GAD2: variants seen among roughly 807,000 people sequenced by gnomAD.
GAD2 encodes the protein glutamate decarboxylase 2, also known as 65 kDa glutamic acid decarboxylase.
GAD2 carries 22 observed loss-of-function variants against 80.1 expected under a neutral mutation model. The ratio of observed to expected loss-of-function variants is 0.27; its 90% CI spans 0.20 to 0.39. The LOEUF is 0.39. GAD2 is among the 10% of genes least tolerant of loss of function. GAD2 has a pLI of 1.00. For missense variants in GAD2, 624 were observed against 738.4 expected (o/e 0.85, Z 1.80); for synonymous variants, 274 against 256.9 (o/e 1.07, Z -0.64).
At chr10:26,259,197 A>T (rs1844979627) in intron 8 of GAD2, among the ~76,000 whole-genome samples, 1 of 152,160 alleles carries the variant, frequency 6.6e-6, no homozygotes, top group Non-Finnish European at 1.5e-5. Flanking sequence ...CTCTGCTTTC[A>T]ATTATTTTGG....
rs150392847 is a variant in GAD2 at position 26,229,751 on chromosome 10, A to G, written c.814A>G (p.Arg272Gly). 1 of 1,613,748 alleles carries G rather than the reference A, an allele frequency of 6.2e-7. No homozygotes were observed. Among genetic ancestry groups the G allele is most frequent in the Non-Finnish European group, 8.5e-7 (1 of 1,179,642 alleles). ...VKEKGMAALP[R>G]LIAFTSEHSH... is the part of the protein sequence containing the mutation. Reference sequence around the variant, plus strand: ...GGAGAAAGGAATGGCTGCTCTTCCCAGGCTCATTGCCTTCACGTCTGAACA... The same window carrying G: ...GGAGAAAGGAATGGCTGCTCTTCCCGGGCTCATTGCCTTCACGTCTGAACA... Residue 272 changes from arginine to glycine, a missense_variant, in exon 7 of 16, where the codon AGG becomes GGG. Physicochemically the swap from Arg to Gly is moderately radical, Grantham distance 125. Coordinates refer to ENST00000376261, the MANE Select transcript of GAD2 (RefSeq NM_001134366.2).
In GAD2 at chr10:26,302,248, A is replaced by C. The variant is rs962645617; in HGVS notation, c.*1287A>C. On this transcript the variant is annotated 3_prime_UTR_variant, in exon 16 of 16. Transcript: ENST00000376261. Reference sequence around the variant, plus strand: ...CTGGGACCCAAAATAGTTACTTTATATTCCATGGGTGGTTGTTTTTCTTCC... The same window carrying C: ...CTGGGACCCAAAATAGTTACTTTATCTTCCATGGGTGGTTGTTTTTCTTCC... 2.6e-5 allele frequency: 4 copies of C among 152,138 alleles called. No homozygotes were observed. The highest frequency in any genetic ancestry group is 9.7e-5 in the African/African-American group (4 of 41,440). 9.4% of individuals were successfully genotyped at this position (152,138 alleles called of 1,614,324 possible).
At chr10:26,244,268 C>T (rs1006872630) in intron 7 of GAD2, among the ~76,000 whole-genome samples, 2 of 152,084 alleles carry the variant, frequency 1.3e-5, no homozygotes, top group African/African-American at 4.8e-5. Flanking sequence ...TTGGAAACCT[C>T]GTCCACTGAG....
In GAD2 at chr10:26,267,270, C is replaced by A. The variant is rs16926747; in HGVS notation, c.921-1849C>A. Reference sequence around the variant, plus strand: ...TTGTTTACCTGCAAAAATACTATGGCAATTTTAATGTGCTTTAAACTTTAT... The same window carrying A: ...TTGTTTACCTGCAAAAATACTATGGAAATTTTAATGTGCTTTAAACTTTAT... On this transcript the variant is annotated intron_variant, in intron 8 of 15. Coordinates refer to ENST00000376261, the MANE Select transcript of GAD2 (RefSeq NM_001134366.2). Among the ~76,000 whole-genome samples, 648 of 152,296 alleles carry A rather than the reference C, an allele frequency of 4.3e-3. 4 individuals are homozygous for A. Among genetic ancestry groups the A allele is most frequent in the African/African-American group, 0.015 (621 of 41,554 alleles).
intron 4 of GAD2, 50 bp downstream of exon 4, chr10:26,219,326 AT>A: frequency 8.2e-7 from 1 of 1,222,480 alleles, no homozygotes; most frequent in Non-Finnish European, 1.1e-6. Context: ...TACAATTTTT[AT>A]TTTATTTTTT....
At position 26,236,258 on chromosome 10, in the gene GAD2, T is replaced by C. The variant is rs915770531; in HGVS notation, c.840+6481T>C. ...CTCCTAAGTAGCTGGGCCTACAGGC[T>C]TGAGCCACCACATCTTCAGAAAGAT... On this transcript the variant is annotated intron_variant, in intron 7 of 15. Transcript: ENST00000376261. Among the ~76,000 whole-genome samples the C allele has an allele frequency of 3.3e-5, 5 of 152,142 alleles. No individual in the cohort carries two copies. The East Asian group carries it at 5.8e-4, about 18-fold the overall frequency.
chr10:26,276,953 A>G (rs926759072), intron 11 of GAD2, among the ~76,000 whole-genome samples: 2 of 152,246 alleles, frequency 1.3e-5, no homozygotes, highest in African/African-American at 4.8e-5. Flanking sequence ...TATAAAGCCT[A>G]TCTTCAAGGA....
intron 6 of GAD2, 47 bp downstream of exon 6, chr10:26,224,698 A>T: frequency 7.4e-7 from 1 of 1,350,230 alleles, no homozygotes; most frequent in Non-Finnish European, 1.1e-6. Flanking sequence ...CTAATATGCA[A>T]TGCCTTGTTG....
intron 7 of GAD2, among the ~76,000 whole-genome samples, chr10:26,234,152 C>T (rs1261503044): frequency 1.3e-5 from 2 of 151,808 alleles, no homozygotes; most frequent in African/African-American, 4.8e-5. Context: ...GGTGAAACCC[C>T]GTCTCTACTG....
intron 8 of GAD2, among the ~76,000 whole-genome samples, chr10:26,268,222 A>C (rs918253089): frequency 5.9e-5 from 9 of 152,218 alleles, no homozygotes; most frequent in African/African-American, 2.2e-4. Flanking sequence ...TAATCCCAGC[A>C]CTTTGGGAGG....
At chr10:26,229,284 G>GAA (rs113083558) in intron 6 of GAD2, among the ~76,000 whole-genome samples, 27 of 143,534 alleles carry the variant, frequency 1.9e-4, no homozygotes, top group African/African-American at 6.3e-4. Context: ...GAGTTGAAAT[G>GAA]AAAAAAAAAA....
chr10:26,293,014 A>G, intron 15 of GAD2, 23 bp downstream of exon 15: 1 of 1,570,072 alleles, frequency 6.4e-7, no homozygotes. Context: ...AGCTCCTCTG[A>G]TACATGTGTG....
In GAD2 at chr10:26,232,170, T is replaced by C. The variant is rs535337344; in HGVS notation, c.840+2393T>C. Among the ~76,000 whole-genome samples, 11 of 152,334 alleles carry C rather than the reference T, an allele frequency of 7.2e-5. 1 individual carries two copies. The East Asian group carries it at 2.1e-3, about 29-fold the overall frequency. ...CTCCTCAATTACTATTTTCCTGAAATGGGTTTGGACCCCTAAATAGTTACA... is the reference window on the plus strand; with the variant it reads ...CTCCTCAATTACTATTTTCCTGAAACGGGTTTGGACCCCTAAATAGTTACA... On this transcript the variant is annotated intron_variant, in intron 7 of 15. Transcript: ENST00000376261.
rs8190788 is a variant in GAD2, at chr10:26,293,912, G to A, written c.1584+921G>A. ...TTGCTGATGGAGAAACTGACCCACA[G>A]GGAGAAAATGTAACTCCCAAAATCT... On this transcript the variant is annotated intron_variant, in intron 15 of 15. Transcript: ENST00000376261. Among the ~76,000 whole-genome samples the A allele has an allele frequency of 4.7e-3, 718 of 152,312 alleles. 8 individuals carry two copies. The highest frequency in any genetic ancestry group is 0.015 in the African/African-American group (639 of 41,572).
chr10:26,230,976 G>A (rs779222258), intron 7 of GAD2, among the ~76,000 whole-genome samples: 12 of 152,208 alleles, frequency 7.9e-5, no homozygotes, highest in South Asian at 6.2e-4. Context: ...TGTAATCCCA[G>A]CTACTCAGGA....
chr10:26,278,815 G>A (rs904517359), intron 11 of GAD2, among the ~76,000 whole-genome samples: 3 of 151,720 alleles, frequency 2.0e-5, no homozygotes, highest in Admixed American at 6.6e-5. Flanking sequence ...TAGACTATTC[G>A]TTGGCCCAGA....
At chr10:26,237,666 C>CA (rs1844691682) in intron 7 of GAD2, among the ~76,000 whole-genome samples, 1 of 152,106 alleles carries the variant, frequency 6.6e-6, no homozygotes, top group African/African-American at 2.4e-5. Flanking sequence ...TAGATTGCTA[C>CA]TTGTATAATT....
In GAD2 at chr10:26,223,956, C is replaced by T; in HGVS notation, c.590C>T (p.Thr197Ile). The T allele has an allele frequency of 6.2e-7, 1 of 1,610,732 alleles. No homozygotes were observed. Among genetic ancestry groups the T allele is most frequent in the Non-Finnish European group, 8.5e-7 (1 of 1,178,432 alleles). Residue 197 changes from threonine (T) to isoleucine (I), a missense_variant, in exon 5 of 16, where the codon ACA becomes ATA. Thr to Ile is a moderately conservative substitution (Grantham distance 89). Coordinates refer to ENST00000376261, the MANE Select transcript of GAD2 (RefSeq NM_001134366.2). ...GTTGGATTAGCAGCAGACTGGCTGA[C>T]ATCAACAGCAAATACTAACATGTAA... ...DMVGLAADWL[T>I]STANTNMFTY...
chr10:26,249,661 T>C (rs1404156841), intron 8 of GAD2, among the ~76,000 whole-genome samples: 2 of 152,088 alleles, frequency 1.3e-5, no homozygotes, highest in Admixed American at 1.3e-4. Context: ...GCATCACTGC[T>C]CCTACTCCTG....
Sources: allele counts gnomAD v4.1 joint callset (sites outside exome capture counted in the v4.1 genomes callset), GRCh38; gene constraint gnomAD v4.1.1; transcripts MANE v1.5; gene names NCBI Gene and HGNC (gene_info 2026-07-23, HGNC 2026-07-21).